Variants in FAAH2 observed in about 807,000 individuals in gnomAD.
FAAH2 encodes the protein fatty-acid amide hydrolase 2.
Under a neutral mutation model 36.9 loss-of-function variants are expected in FAAH2, and 60 were observed. That is an observed-to-expected ratio of 1.63 (90% CI 1.32 to 2.02). The LOEUF is 2.02. FAAH2 is among the 30% of genes most tolerant of loss of function. The probability of loss-of-function intolerance (pLI) is 0.00; values close to 1 mark genes in which losing one functional copy is unlikely to be tolerated. For missense variants in FAAH2, 689 were observed against 397.5 expected (o/e 1.73, Z -6.23); for synonymous variants, 214 against 143.8 (o/e 1.49, Z -3.49).
chrX:57,150,388 G>A, the FAAH2 span, among the ~76,000 whole-genome samples: 1 of 111,577 alleles, frequency 9.0e-6, no homozygotes, highest in South Asian at 3.8e-4. Flanking sequence ...TTATTGTGTG[G>A]GATTCTAAGT....
chrX:57,389,227 C>A (rs188392060), intron 7 of FAAH2, among the ~76,000 whole-genome samples: 143 of 98,694 alleles, frequency 1.4e-3, no homozygotes, highest in African/African-American at 4.6e-3. Flanking sequence ...CTGGAGTACC[C>A]TAATTTTAGT....
chrX:57,155,682 T>A, the FAAH2 span, among the ~76,000 whole-genome samples: 10 of 112,451 alleles, frequency 8.9e-5, no homozygotes, highest in Non-Finnish European at 1.5e-4. Context: ...TTGGGTTCAG[T>A]TGGAACTGTT....
chrX:57,299,635 A>G (rs1406177902), intron 2 of FAAH2, among the ~76,000 whole-genome samples: 1 of 111,863 alleles, frequency 8.9e-6, no homozygotes, highest in Non-Finnish European at 1.9e-5. Flanking sequence ...GAAATAAAGG[A>G]CATTCAATTA....
chrX:57,366,762 T>A (rs184333977), intron 5 of FAAH2, among the ~76,000 whole-genome samples: 21 of 112,450 alleles, frequency 1.9e-4, no homozygotes, highest in Non-Finnish European at 3.6e-4. Flanking sequence ...GAGGCTGCAC[T>A]GCAAGTGGCT....
At chrX:57,237,499 ATTTTAGTTAAT>A in the FAAH2 span, among the ~76,000 whole-genome samples, 146 of 111,126 alleles carry the variant, frequency 1.3e-3, 1 homozygote, top group African/African-American at 4.6e-3. Context: ...AGTATTTGTA[ATTTTAGTTAAT>A]ATTGATAATT....
the FAAH2 span, among the ~76,000 whole-genome samples, chrX:57,200,335 G>C: frequency 9.3e-6 from 1 of 107,526 alleles, no homozygotes; most frequent in Non-Finnish European, 1.9e-5. Flanking sequence ...CAATAAGCAA[G>C]GAAAAAAATA....
At chrX:57,426,116 T>A (rs938904807) in intron 7 of FAAH2, among the ~76,000 whole-genome samples, 5 of 111,548 alleles carry the variant, frequency 4.5e-5, no homozygotes, top group African/African-American at 1.6e-4. Flanking sequence ...ATAGAAATAA[T>A]CCCTTCCATA....
In FAAH2 at chrX:57,458,072, C is replaced by G. The variant is rs763904536; in HGVS notation, c.1423+9354C>G. Among the ~76,000 whole-genome samples, 198 of 111,776 alleles carry G rather than the reference C, an allele frequency of 1.8e-3. 1 individual carries two copies. Among genetic ancestry groups the G allele is most frequent in the African/African-American group, 6.2e-3 (192 of 30,784 alleles). On this transcript the variant is annotated intron_variant, in intron 10 of 10. Transcript: ENST00000374900. ...TACTATAAGGCTACAATAATCAAAA[C>G]AGCATGGTACTGCTGCAAAAAAAGA...
intron 3 of FAAH2, among the ~76,000 whole-genome samples, chrX:57,317,798 G>T (rs1291076100): frequency 9.0e-6 from 1 of 111,641 alleles, no homozygotes; most frequent in Non-Finnish European, 1.9e-5. Flanking sequence ...CAAAATAATG[G>T]AAAATATAAC....
intron 7 of FAAH2, among the ~76,000 whole-genome samples, chrX:57,386,222 A>T (rs756469223): frequency 8.9e-6 from 1 of 111,875 alleles, no homozygotes; most frequent in South Asian, 3.7e-4. Flanking sequence ...ATGATAGAGG[A>T]TTATTAACAG....
At chrX:57,241,017 C>T in the FAAH2 span, among the ~76,000 whole-genome samples, 1 of 111,955 alleles carries the variant, frequency 8.9e-6, no homozygotes, top group Admixed American at 9.5e-5. Flanking sequence ...CATGATGGTG[C>T]TCCACTGCAG....
chrX:57,464,830 C>T (rs2057022420), intron 10 of FAAH2, among the ~76,000 whole-genome samples: 1 of 110,845 alleles, frequency 9.0e-6, no homozygotes, highest in South Asian at 3.7e-4. Flanking sequence ...TGATGTATAC[C>T]ATTTAATATA....
chrX:57,133,160 A>G, the FAAH2 span, among the ~76,000 whole-genome samples: 3 of 111,763 alleles, frequency 2.7e-5, no homozygotes, highest in African/African-American at 9.8e-5. Flanking sequence ...ATGTTTTTCT[A>G]TTTAACACTA....
chrX:57,228,196 T>C, the FAAH2 span, among the ~76,000 whole-genome samples: 26 of 112,233 alleles, frequency 2.3e-4, no homozygotes, highest in African/African-American at 7.4e-4. Context: ...AAATTTCAGC[T>C]AGAGAAGTTC....
chrX:57,331,630 C>T lies in FAAH2; in HGVS notation c.445C>T (p.Arg149Cys), dbSNP rs184337210. ...CAATTCTTCTGGACTCATGAACCGT[C>T]GTGATGCCATTGCCAAAACAGATGC... ...MPNSSGLMNR[R>C]DAIAKTDATV... Residue 149 changes from arginine (R) to cysteine (C), a missense_variant, in exon 4 of 11, where the codon CGT becomes TGT. Physicochemically the swap from Arg to Cys is radical, Grantham distance 180. Coordinates refer to ENST00000374900, the MANE Select transcript of FAAH2 (RefSeq NM_174912.4). 264 of 1,209,583 alleles carry T rather than the reference C, an allele frequency of 2.2e-4. 1 individual carries two copies. In the East Asian group the frequency reaches 5.4e-3, roughly 25 times the overall value.
At chrX:57,285,270 G>A (rs1013742565), upstream of FAAH2, among the ~76,000 whole-genome samples, 4 of 111,702 alleles carry the variant, frequency 3.6e-5, no homozygotes, top group African/African-American at 6.5e-5. Context: ...CCTGGATGAC[G>A]TTGTCATTTC....
the FAAH2 span, among the ~76,000 whole-genome samples, chrX:57,244,122 C>T: frequency 0.36 from 38,709 of 106,229 alleles, 6,268 homozygotes; most frequent in Middle Eastern, 0.6. Context: ...ATAGCTGAAT[C>T]AATCAAGCAG....
intron 10 of FAAH2, among the ~76,000 whole-genome samples, chrX:57,486,452 C>G (rs1464469642): frequency 1.8e-5 from 2 of 111,805 alleles, no homozygotes; most frequent in African/African-American, 6.5e-5. Flanking sequence ...GCTAAGCAAA[C>G]TCATGCACTA....
chrX:57,488,904 G>A lies in FAAH2; in HGVS notation c.1571G>A (p.Gly524Glu). ...GCCCAGTACTTGGAGAAAACTTTTG[G>A]GGGCTGGGTCTGTCCAGGAAAGTTT... ...AVAQYLEKTF[G>E]GWVCPGKF The change falls in exon 11 of 11, where the codon GGG becomes GAG. Residue 524 changes from glycine (G) to glutamate (E), a missense_variant. Physicochemically the swap from Gly to Glu is moderately conservative, Grantham distance 98. Transcript: ENST00000374900. 8.3e-7 allele frequency: 1 copy of A among 1,210,601 alleles called. No individual in the cohort carries two copies. Among genetic ancestry groups the A allele is most frequent in the African/African-American group, 1.7e-5 (1 of 57,566 alleles).
Sources: allele counts gnomAD v4.1 joint callset (sites outside exome capture counted in the v4.1 genomes callset), GRCh38; gene constraint gnomAD v4.1.1; transcripts MANE v1.5; gene names NCBI Gene and HGNC (gene_info 2026-07-23, HGNC 2026-07-21).